VIPR2: variants seen among roughly 807,000 people sequenced by gnomAD.
VIPR2 encodes vasoactive intestinal polypeptide receptor 2.
VIPR2 carries 48 observed loss-of-function variants against 58.0 expected under a neutral mutation model. That is an observed-to-expected ratio of 0.83 (90% CI 0.66 to 1.05). The LOEUF is 1.05. Ranked by LOEUF, VIPR2 falls within the 50% of genes least tolerant of loss-of-function variation. VIPR2 has a pLI of 0.00. For synonymous variants in VIPR2, 243 were observed against 235.2 expected, an observed-to-expected ratio of 1.03 and a Z score of -0.30; for missense variants, 534 against 558.0, an observed-to-expected ratio of 0.96 and a Z score of 0.43.
At chr7:159,087,055 T>C (rs974028793) in intron 4 of VIPR2, among the ~76,000 whole-genome samples, 1 of 151,958 alleles carries the variant, frequency 6.6e-6, no homozygotes, top group African/African-American at 2.4e-5. Context: ...TAGTGAGATA[T>C]GGCTTCCCAA....
chr7:159,067,084 T>C (rs1292418931), intron 4 of VIPR2, among the ~76,000 whole-genome samples: 2 of 152,238 alleles, frequency 1.3e-5, no homozygotes, highest in Non-Finnish European at 2.9e-5. Context: ...AGCCATATTT[T>C]GGTGCTCACG....
At chr7:159,071,867 C>T (rs1407503266) in intron 4 of VIPR2, among the ~76,000 whole-genome samples, 1 of 148,854 alleles carries the variant, frequency 6.7e-6, no homozygotes, top group Non-Finnish European at 1.5e-5. Flanking sequence ...GGCTGGGAAC[C>T]CTGCAGCACC....
At chr7:159,111,856 TA>T (rs1215139381) in intron 2 of VIPR2, among the ~76,000 whole-genome samples, 1 of 151,876 alleles carries the variant, frequency 6.6e-6, no homozygotes. Flanking sequence ...AGAAAATATT[TA>T]AAAATTCGCT....
chr7:159,030,697 G>A lies in VIPR2; in HGVS notation c.1236C>T (p.Arg412=). The stretch of plus-strand genomic sequence containing the variant: ...ACTGCAGGGCGCCCTCCGAGCCGTT[G>A]CGGGAGAAGGAGGAACCGCAGACCC... The part of the protein sequence containing the change: ...DYRVCGSSFS[R]NGSEGALQFH... Residue 412 remains arginine (R), a synonymous_variant, in exon 13 of 13, where the codon CGC becomes CGT. Coordinates refer to ENST00000262178, the MANE Select transcript of VIPR2 (RefSeq NM_003382.5). 1 of 1,584,706 alleles carries A rather than the reference G, an allele frequency of 6.3e-7. No individual in the cohort carries two copies. Among genetic ancestry groups the A allele is most frequent in the East Asian group, 2.3e-5 (1 of 43,520 alleles).
At chr7:159,061,206 C>T (rs1353016484) in intron 4 of VIPR2, among the ~76,000 whole-genome samples, 2 of 151,972 alleles carry the variant, frequency 1.3e-5, no homozygotes, top group African/African-American at 4.8e-5. Context: ...GAGGGAGAAA[C>T]GGAGGGGCAA....
intron 4 of VIPR2, chr7:159,059,278 C>A: frequency 2.1e-6 from 1 of 471,274 alleles, no homozygotes; most frequent in Non-Finnish European, 4.4e-6. Flanking sequence ...TAAAAACCAG[C>A]AACACCTGCA....
Position 159,082,315 on chromosome 7 carries a change from G to C in VIPR2, c.357+21442C>G, listed in dbSNP as rs1856947238. On this transcript the variant is annotated intron_variant, in intron 4 of 12. Transcript: ENST00000262178. ...AAATGATGAGTTCATGTCCTTTGTA[G>C]GGACACGGATGAAGCTGGAAACCAT... 2.0e-5 allele frequency among the ~76,000 whole-genome samples: 3 copies of C among 152,276 alleles called. No individual in the cohort carries two copies. In the South Asian group the frequency reaches 6.2e-4, roughly 32 times the overall value.
At chr7:159,104,004 C>T in intron 3 of VIPR2, 150 bp from the exon 4 acceptor site, 1 of 676,900 alleles carries the variant, frequency 1.5e-6, no homozygotes, top group South Asian at 1.8e-5. Context: ...AAAAAACCTT[C>T]CTTGCCCTCC....
In VIPR2 at chr7:159,098,836, A is replaced by G. The variant is rs1858026336; in HGVS notation, c.357+4921T>C. 6.6e-6 allele frequency among the ~76,000 whole-genome samples: 1 copy of G among 152,262 alleles called. No individual in the cohort carries two copies. The highest frequency in any genetic ancestry group is 6.5e-5 in the Admixed American group (1 of 15,290). Reference sequence around the variant, plus strand: ...GGGCAGACTTTGGCCCTGTGCAAGCAGGAAACACAACTAAAAATGTGAATC... The same window carrying G: ...GGGCAGACTTTGGCCCTGTGCAAGCGGGAAACACAACTAAAAATGTGAATC... On this transcript the variant is annotated intron_variant, in intron 4 of 12. Coordinates refer to ENST00000262178, the MANE Select transcript of VIPR2 (RefSeq NM_003382.5). This position sits in a 1 kb window ranked among gnomAD's most constrained non-coding sequence, Gnocchi z 5.2.
chr7:159,075,881 G>A (rs1856614804), intron 4 of VIPR2, among the ~76,000 whole-genome samples: 1 of 152,210 alleles, frequency 6.6e-6, no homozygotes, highest in African/African-American at 2.4e-5. Context: ...TCAGCGAGTA[G>A]CCCAGGGCCG....
chr7:159,031,810 AGGC>A lies in VIPR2; in HGVS notation c.1143+15_1143+17del, dbSNP rs754593005. ...AAGTGAGTACCTGTGCTTGGTTCCA[AGGC>A]GGCCATGAACTTACCTCACTGTTCA... On this transcript the variant is annotated intron_variant, in intron 12 of 12. Transcript: ENST00000262178. The surrounding 1 kb of genome is among the most constrained non-coding windows in gnomAD (Gnocchi z 4.0). 1.2e-6 allele frequency: 2 copies of A among 1,613,974 alleles called. No individual in the cohort carries two copies. Among genetic ancestry groups the A allele is most frequent in the South Asian group, 2.2e-5 (2 of 91,086 alleles).
chr7:159,035,499 C>T (rs1382415050), intron 8 of VIPR2, among the ~76,000 whole-genome samples: 1 of 152,212 alleles, frequency 6.6e-6, no homozygotes, highest in South Asian at 2.1e-4. Flanking sequence ...CATGTCTGGG[C>T]CGTGGTCTCG....
At chr7:159,058,148 C>T (rs1855428861) in intron 5 of VIPR2, among the ~76,000 whole-genome samples, 1 of 152,230 alleles carries the variant, frequency 6.6e-6, no homozygotes, top group South Asian at 2.1e-4. Flanking sequence ...TCTAATAGAG[C>T]ACCTACAGCC....
chr7:159,104,448 C>T (rs911826464), intron 3 of VIPR2, among the ~76,000 whole-genome samples: 4 of 150,806 alleles, frequency 2.7e-5, no homozygotes, highest in Admixed American at 2.0e-4. Flanking sequence ...CCTCCCTCCT[C>T]CTGGCCAGCA....
intron 10 of VIPR2, among the ~76,000 whole-genome samples, chr7:159,032,661 CT>C (rs1853667821): frequency 6.6e-6 from 1 of 152,192 alleles, no homozygotes; most frequent in African/African-American, 2.4e-5. Flanking sequence ...GGTTTTGCTA[CT>C]TCTGTGACCA....
intron 2 of VIPR2, among the ~76,000 whole-genome samples, chr7:159,139,142 G>A (rs1797351880): frequency 6.6e-6 from 1 of 152,164 alleles, no homozygotes; most frequent in Non-Finnish European, 1.5e-5. Context: ...TAGAGAATAT[G>A]TTTCTCTGAC....
chr7:159,059,521 C>G (rs1855511457), intron 4 of VIPR2, among the ~76,000 whole-genome samples: 1 of 152,174 alleles, frequency 6.6e-6, no homozygotes, highest in Non-Finnish European at 1.5e-5. Context: ...ATTAGTTTGG[C>G]TCTTAAGTAT....
chr7:159,071,296 C>G (rs1021874504), intron 4 of VIPR2, among the ~76,000 whole-genome samples: 2 of 152,212 alleles, frequency 1.3e-5, no homozygotes, highest in African/African-American at 4.8e-5. Flanking sequence ...TCCTAGGAGG[C>G]CTCTCCCTCT....
intron 6 of VIPR2, among the ~76,000 whole-genome samples, chr7:159,041,810 C>A (rs1854362905): frequency 6.6e-6 from 1 of 151,970 alleles, no homozygotes; most frequent in African/African-American, 2.4e-5. Context: ...TCATGAAGAG[C>A]TAAGGGCAGG....
Sources: allele counts gnomAD v4.1 joint callset (sites outside exome capture counted in the v4.1 genomes callset), GRCh38; gene constraint gnomAD v4.1.1; non-coding constraint Gnocchi (gnomAD v3.1); transcripts MANE v1.5; gene names NCBI Gene and HGNC (gene_info 2026-07-23, HGNC 2026-07-21).